The following AFAP1 variants were observed in gnomAD, a reference collection of about 807,000 sequenced individuals.
AFAP1 encodes actin filament associated protein 1.
AFAP1 carries 75 observed loss-of-function variants against 93.9 expected under a neutral mutation model. The ratio of observed to expected loss-of-function variants is 0.80; its 90% confidence interval spans 0.66 to 0.97. AFAP1 has a LOEUF of 0.97. Among genes scored for constraint, AFAP1 ranks in the 50% least tolerant of loss-of-function variants. The pLI is 0.00. For missense variants in AFAP1, 1,201 were observed against 1,050.8 expected, an observed-to-expected ratio of 1.14 and a Z score of -1.98; for synonymous variants, 517 against 430.7, an observed-to-expected ratio of 1.20 and a Z score of -2.48.
chr4:7,774,395 C>G, intron 15 of AFAP1: 1 of 254,860 alleles, frequency 3.9e-6, no homozygotes, highest in Non-Finnish European at 7.4e-6. Context: ...TACCCGGTGA[C>G]CAGAATCTAC....
chr4:7,766,389 C>A (rs530411212), intron 17 of AFAP1, among the ~76,000 whole-genome samples: 2 of 152,288 alleles, frequency 1.3e-5, no homozygotes, highest in South Asian at 2.1e-4. Context: ...AGAGGGAGGA[C>A]CCCATGTTAC....
chr4:7,774,479 C>T, intron 15 of AFAP1: 1 of 476,306 alleles, frequency 2.1e-6, no homozygotes, highest in East Asian at 3.9e-5. Context: ...ACAGGTCCCC[C>T]AGCACCTCCC....
intron 1 of AFAP1, among the ~76,000 whole-genome samples, chr4:7,883,344 T>TA (rs752127957): frequency 1.6e-4 from 25 of 152,300 alleles, no homozygotes; most frequent in Admixed American, 4.6e-4. Flanking sequence ...CTGATATTTT[T>TA]AAGTCAATAC....
In AFAP1 at chr4:7,783,073, G is replaced by GGGGGAACGTT. The variant is rs1392726382; in HGVS notation, c.1531-1456_1531-1447dup. Among the ~76,000 whole-genome samples, 3 of 152,268 alleles carry GGGGGAACGTT rather than the reference G, an allele frequency of 2.0e-5. No individual in the cohort carries two copies. In the East Asian group the frequency reaches 5.8e-4, roughly 29 times the overall value. On this transcript the variant is annotated intron_variant, in intron 12 of 17. Coordinates refer to ENST00000420658, the MANE Select transcript of AFAP1 (RefSeq NM_001134647.2). ...CACTTTCATCTTAGTCTAAGCATCA[G>GGGGGAACGTT]GGGGAACGTTGGGTAAACATTACTA...
At chr4:7,836,803 T>A (rs1712356436) in intron 6 of AFAP1, among the ~76,000 whole-genome samples, 2 of 151,624 alleles carry the variant, frequency 1.3e-5, no homozygotes, top group Non-Finnish European at 2.9e-5. Flanking sequence ...TGGTGATGGC[T>A]GCACAACTCA....
intron 8 of AFAP1, among the ~76,000 whole-genome samples, chr4:7,815,187 T>A (rs187493410): frequency 1.4e-4 from 21 of 152,102 alleles, no homozygotes; most frequent in Admixed American, 1.2e-3. Context: ...TCCACTTCAA[T>A]GAGGTCCCTA....
At chr4:7,863,002 A>G (rs530997479) in intron 3 of AFAP1, among the ~76,000 whole-genome samples, 113 of 152,200 alleles carry the variant, frequency 7.4e-4, no homozygotes, top group Non-Finnish European at 1.2e-3. Flanking sequence ...GCGTCAGCAC[A>G]GATGGGATCC....
chr4:7,866,022 A>G lies in AFAP1; in HGVS notation c.225+2600T>C, dbSNP rs567829939. Among the ~76,000 whole-genome samples, 81 of 152,100 alleles carry G rather than the reference A, an allele frequency of 5.3e-4. 1 individual carries two copies. Among genetic ancestry groups the G allele is most frequent in the African/African-American group, 1.7e-3 (72 of 41,490 alleles). ...AGCGATTCTCCTGCCTCAGCCTCCC[A>G]AGTAGCTGGGACTACGGGCACCCAA... is the stretch of plus-strand genomic sequence containing the variant. On this transcript the variant is annotated intron_variant, in intron 3 of 17. Coordinates refer to ENST00000420658, the MANE Select transcript of AFAP1 (RefSeq NM_001134647.2).
At chr4:7,786,134 A>G in intron 12 of AFAP1, 60 bp downstream of exon 12, 4 of 1,507,530 alleles carry the variant, frequency 2.7e-6, no homozygotes, top group Non-Finnish European at 3.7e-6. Context: ...TGAAGCACAG[A>G]ATTTTCACAG....
intron 6 of AFAP1, among the ~76,000 whole-genome samples, chr4:7,826,801 G>A (rs962543461): frequency 1.3e-5 from 2 of 152,134 alleles, no homozygotes; most frequent in Admixed American, 6.5e-5. Flanking sequence ...GAGCAGGGTA[G>A]GAGGCGGGCA....
At chr4:7,915,159 C>G (rs1720016458) in intron 1 of AFAP1, among the ~76,000 whole-genome samples, 1 of 152,242 alleles carries the variant, frequency 6.6e-6, no homozygotes, top group African/African-American at 2.4e-5. Flanking sequence ...GCTGGGATGT[C>G]AGTGTGCGCC....
intron 7 of AFAP1, among the ~76,000 whole-genome samples, chr4:7,816,344 A>T (rs932539536): frequency 3.3e-5 from 5 of 152,170 alleles, no homozygotes; most frequent in African/African-American, 1.2e-4. Context: ...ATACTAACCT[A>T]TATATATACT....
At position 7,868,712 on chromosome 4, in the gene AFAP1, A is replaced by G; in HGVS notation, c.135T>C (p.Asp45=). ...LLRIQSSKGF[D]VKDHAQKQET... is the part of the protein sequence containing the mutation. ...CCTGCTTCTGAGCATGGTCCTTCAC[A>G]TCAAAACCTGTAAGAATTAACCAGA... The change falls in exon 3 of 18, where the codon GAT becomes GAC. Residue 45 remains aspartate, a synonymous_variant. Transcript: ENST00000420658. 6.2e-7 allele frequency: 1 copy of G among 1,613,398 alleles called. No homozygotes were observed. The highest frequency in any genetic ancestry group is 1.3e-5 in the African/African-American group (1 of 75,054).
chr4:7,899,575 A>G (rs1486985659), intron 1 of AFAP1, among the ~76,000 whole-genome samples: 1 of 152,230 alleles, frequency 6.6e-6, no homozygotes, highest in East Asian at 1.9e-4. Context: ...CTCCTCATTC[A>G]TTATCAATGG....
intron 16 of AFAP1, chr4:7,772,245 G>C (rs1051901614): frequency 3.3e-5 from 5 of 152,352 alleles, no homozygotes; most frequent in Admixed American, 3.3e-4. Flanking sequence ...CTCGCTCAAT[G>C]GAGTGACGGC....
At chr4:7,935,656 G>A (rs1194875210) in intron 1 of AFAP1, among the ~76,000 whole-genome samples, 2 of 152,100 alleles carry the variant, frequency 1.3e-5, no homozygotes, top group South Asian at 2.1e-4. Flanking sequence ...AAGAGAAGTC[G>A]CATCAGTCCT....
At chr4:7,880,600 G>A (rs540235343) in intron 1 of AFAP1, among the ~76,000 whole-genome samples, 1 of 152,274 alleles carries the variant, frequency 6.6e-6, no homozygotes, top group South Asian at 2.1e-4. Context: ...TTTCACAAGT[G>A]TGGTAACTGA....
chr4:7,847,616 G>A (rs548942386), intron 4 of AFAP1, among the ~76,000 whole-genome samples: 21 of 152,314 alleles, frequency 1.4e-4, no homozygotes, highest in Admixed American at 8.5e-4. Context: ...GAAGTTCACC[G>A]TCTGGAGGCC....
intron 1 of AFAP1, among the ~76,000 whole-genome samples, chr4:7,887,419 G>T (rs549722063): frequency 6.6e-6 from 1 of 152,140 alleles, no homozygotes; most frequent in Non-Finnish European, 1.5e-5. Flanking sequence ...ACAGGAAAAT[G>T]CATCTAACCA....
Sources: gnomAD v4.1 joint callset for allele counts (sites outside exome capture counted in the v4.1 genomes callset) on GRCh38, gnomAD v4.1.1 for gene constraint, MANE v1.5 for transcripts, NCBI Gene and HGNC (gene_info 2026-07-23, HGNC 2026-07-21) for gene names.